TOX: variants seen among roughly 807,000 people sequenced by gnomAD.
TOX encodes thymocyte selection-associated high mobility group box protein TOX.
Under a neutral mutation model 53.7 loss-of-function variants are expected in TOX, and 11 were observed. That is an observed-to-expected ratio of 0.20 (90% CI 0.13 to 0.34). The LOEUF (loss-of-function observed/expected upper bound fraction) is 0.34, where lower values mean the gene tolerates loss of function less well. TOX is among the 10% of genes least tolerant of loss of function. The pLI is 1.00. For synonymous variants in TOX, 225 were observed against 245.3 expected (o/e 0.92, Z 0.77); for missense variants, 570 against 664.6 (o/e 0.86, Z 1.56).
At chr8:59,017,759 G>C (rs1404671113) in intron 1 of TOX, among the ~76,000 whole-genome samples, 2 of 152,168 alleles carry the variant, frequency 1.3e-5, no homozygotes, top group African/African-American at 4.8e-5. Flanking sequence ...CGGAACAGGT[G>C]TCTAGAGCTA....
chr8:58,960,123 T>A lies in TOX; in HGVS notation c.103-115A>T. On this transcript the variant is annotated intron_variant, in intron 1 of 8. Transcript: ENST00000361421. ...ACTGGAAAACAGTAGCCATAAAAAA[T>A]ACTGCGGCTGGGACTATGGAAAATC... 8 of 1,121,068 alleles carry A rather than the reference T, an allele frequency of 7.1e-6. No homozygotes were observed. The South Asian group carries it at 1.1e-4, about 15-fold the overall frequency. The allele number at this position is 1,121,068 out of a possible 1,614,324, so 69.4% of individuals were successfully genotyped here.
At chr8:58,862,654 C>T (rs191969255) in intron 3 of TOX, among the ~76,000 whole-genome samples, 4 of 152,092 alleles carry the variant, frequency 2.6e-5, no homozygotes, top group East Asian at 1.9e-4. Flanking sequence ...GACTGTGCAC[C>T]GAACCATGAA....
rs142730598 is a variant in TOX, at chr8:59,009,756, C to T, written c.103-49748G>A. ...AGGTACTTCTCTTTTTGTTTCCTTTCTTTCTACCACAAGCTCAGCCCACCA... is the reference window on the plus strand; with the variant it reads ...AGGTACTTCTCTTTTTGTTTCCTTTTTTTCTACCACAAGCTCAGCCCACCA... On this transcript the variant is annotated intron_variant, in intron 1 of 8. Coordinates refer to ENST00000361421, the MANE Select transcript of TOX (RefSeq NM_014729.3). 3.7e-3 allele frequency among the ~76,000 whole-genome samples: 558 copies of T among 152,160 alleles called. 4 individuals are homozygous for T. Among genetic ancestry groups the T allele is most frequent in the Middle Eastern group, 0.031 (9 of 292 alleles).
At chr8:59,021,909 A>G (rs894153220) in intron 1 of TOX, among the ~76,000 whole-genome samples, 3 of 152,168 alleles carry the variant, frequency 2.0e-5, no homozygotes, top group African/African-American at 7.2e-5. Flanking sequence ...ACAGAAGAGA[A>G]AGGAGAAAAA....
At chr8:58,982,743 T>C (rs769587604) in intron 1 of TOX, among the ~76,000 whole-genome samples, 1 of 152,216 alleles carries the variant, frequency 6.6e-6, no homozygotes, top group Non-Finnish European at 1.5e-5. Context: ...ATCCATTCAA[T>C]ATAACTCTGA....
At chr8:58,925,269 A>AT (rs1812136300) in intron 3 of TOX, among the ~76,000 whole-genome samples, 1 of 152,384 alleles carries the variant, frequency 6.6e-6, no homozygotes, top group South Asian at 2.1e-4. Context: ...CAGTTACAGT[A>AT]TAAAAATTGC....
At chr8:58,875,951 T>A (rs1420406670) in intron 3 of TOX, among the ~76,000 whole-genome samples, 1 of 152,248 alleles carries the variant, frequency 6.6e-6, no homozygotes, top group African/African-American at 2.4e-5. Context: ...TAATCAAGGT[T>A]GTAATTGTTG....
intron 1 of TOX, among the ~76,000 whole-genome samples, chr8:59,031,871 G>C (rs958034292): frequency 1.3e-5 from 2 of 152,138 alleles, no homozygotes; most frequent in African/African-American, 4.8e-5. Context: ...AGATGGAAAA[G>C]GTCTGGAAAA....
chr8:59,011,643 A>G (rs984252272), intron 1 of TOX, among the ~76,000 whole-genome samples: 3 of 152,094 alleles, frequency 2.0e-5, no homozygotes, highest in Admixed American at 6.5e-5. Flanking sequence ...TGTAACTTTG[A>G]TCAAGGTATT....
intron 3 of TOX, among the ~76,000 whole-genome samples, chr8:58,914,710 G>T (rs1208462033): frequency 6.6e-6 from 1 of 152,160 alleles, no homozygotes; most frequent in African/African-American, 2.4e-5. Context: ...CAAGATGGCC[G>T]AATAGGAACA....
intron 1 of TOX, among the ~76,000 whole-genome samples, chr8:59,079,949 G>A (rs542466565): frequency 1.3e-5 from 2 of 151,842 alleles, no homozygotes; most frequent in South Asian, 2.1e-4. Flanking sequence ...TTAACATCAC[G>A]TGCATGGGGC....
intron 1 of TOX, among the ~76,000 whole-genome samples, chr8:58,963,163 A>G (rs1178795501): frequency 6.6e-6 from 1 of 152,198 alleles, no homozygotes; most frequent in Non-Finnish European, 1.5e-5. Flanking sequence ...CAAACTTGCC[A>G]GCTTTCGGTC....
At chr8:58,812,877 C>G (rs1810106494) in intron 7 of TOX, among the ~76,000 whole-genome samples, 4 of 152,222 alleles carry the variant, frequency 2.6e-5, no homozygotes, top group South Asian at 2.1e-4. Flanking sequence ...ATCCTTCTAA[C>G]AGTGAAACAC....
At chr8:59,095,497 C>T (rs1470112875) in intron 1 of TOX, among the ~76,000 whole-genome samples, 2 of 152,148 alleles carry the variant, frequency 1.3e-5, no homozygotes, top group Admixed American at 1.3e-4. Flanking sequence ...GCCTCTGCCT[C>T]CTGGGTTCAA....
intron 1 of TOX, among the ~76,000 whole-genome samples, chr8:58,971,191 C>T (rs1349037320): frequency 6.6e-6 from 1 of 152,132 alleles, no homozygotes; most frequent in Admixed American, 6.5e-5. Context: ...AAGCAAACTG[C>T]GGGTGGGCAC....
At chr8:59,008,589 C>G (rs912904225) in intron 1 of TOX, among the ~76,000 whole-genome samples, 3 of 152,162 alleles carry the variant, frequency 2.0e-5, no homozygotes, top group Non-Finnish European at 4.4e-5. Flanking sequence ...TCACCTCCCC[C>G]CCATGACTCC....
At chr8:58,965,607 A>G (rs1336398619) in intron 1 of TOX, among the ~76,000 whole-genome samples, 1 of 152,132 alleles carries the variant, frequency 6.6e-6, no homozygotes, top group Non-Finnish European at 1.5e-5. Flanking sequence ...GAAAATCAGA[A>G]AACTGCTGCT....
intron 1 of TOX, among the ~76,000 whole-genome samples, chr8:59,062,037 AT>A (rs1803995284): frequency 6.6e-6 from 1 of 152,188 alleles, no homozygotes; most frequent in Admixed American, 6.5e-5. Context: ...CCTGTATAGC[AT>A]TTTGGGATCT....
At chr8:58,897,289 C>G (rs1000846803) in intron 3 of TOX, among the ~76,000 whole-genome samples, 2 of 152,148 alleles carry the variant, frequency 1.3e-5, no homozygotes, top group Non-Finnish European at 2.9e-5. Context: ...TTCAATGTAC[C>G]TGTCCTACAA....
Sources: allele counts gnomAD v4.1 joint callset (sites outside exome capture counted in the v4.1 genomes callset), GRCh38; gene constraint gnomAD v4.1.1; transcripts MANE v1.5; gene names NCBI Gene and HGNC (gene_info 2026-07-23, HGNC 2026-07-21).